The following DNAH7 variants were observed in gnomAD, a reference collection of about 807,000 sequenced individuals.
The protein encoded by DNAH7 is axonemal beta dynein heavy chain 7.
Under a neutral mutation model 444.6 loss-of-function variants are expected in DNAH7, and 397 were observed. The ratio of observed to expected loss-of-function variants is 0.89; its 90% CI spans 0.82 to 0.97. The LOEUF (loss-of-function observed/expected upper bound fraction) is 0.97. DNAH7 is among the 50% of genes least tolerant of loss of function. DNAH7 has a pLI of 0.00. For synonymous variants in DNAH7, 1,636 were observed against 1,624.4 expected (o/e 1.01, Z -0.17); for missense variants, 4,902 against 4,800.8 (o/e 1.02, Z -0.62).
chr2:196,007,208 G>A (rs771125068), intron 10 of DNAH7, among the ~76,000 whole-genome samples: 20 of 152,132 alleles, frequency 1.3e-4, no homozygotes, highest in African/African-American at 3.1e-4. Flanking sequence ...ACTACAAAAC[G>A]GTTTGGTACT....
chr2:196,066,016 G>T (rs546248068), intron 1 of DNAH7, among the ~76,000 whole-genome samples: 28 of 152,190 alleles, frequency 1.8e-4, no homozygotes, highest in Non-Finnish European at 3.4e-4. Context: ...TCTGTTTTCT[G>T]TTGGGATCCT....
chr2:196,003,200 C>T (rs1459419734), intron 10 of DNAH7, among the ~76,000 whole-genome samples: 1 of 148,608 alleles, frequency 6.7e-6, no homozygotes, highest in Non-Finnish European at 1.5e-5. Context: ...ATGAGGAAGG[C>T]CCTGAGAGAA....
intron 46 of DNAH7, among the ~76,000 whole-genome samples, chr2:195,847,243 T>C (rs1361080972): frequency 6.6e-6 from 1 of 151,360 alleles, no homozygotes; most frequent in African/African-American, 2.4e-5. Context: ...ATCGCAGCAC[T>C]ATTCACAATA....
chr2:195,847,296 G>A (rs1323733666), intron 46 of DNAH7, among the ~76,000 whole-genome samples: 1 of 151,516 alleles, frequency 6.6e-6, no homozygotes, highest in Non-Finnish European at 1.5e-5. Context: ...ATACACCATG[G>A]AATACTATGC....
At chr2:196,006,310 A>G (rs1479348568) in intron 10 of DNAH7, among the ~76,000 whole-genome samples, 1 of 152,188 alleles carries the variant, frequency 6.6e-6, no homozygotes, top group African/African-American at 2.4e-5. Context: ...TGTCTCCAAA[A>G]AAAGACAGGA....
intron 1 of DNAH7, chr2:196,063,253 G>A (rs1698234423): frequency 6.6e-6 from 1 of 152,242 alleles, no homozygotes; most frequent in Non-Finnish European, 1.5e-5. Flanking sequence ...CGGAAGGCAT[G>A]TGCTGATACT....
intron 9 of DNAH7, among the ~76,000 whole-genome samples, chr2:196,016,103 T>C (rs1454391911): frequency 1.3e-5 from 2 of 152,190 alleles, no homozygotes; most frequent in African/African-American, 4.8e-5. Context: ...TTACTTTTTC[T>C]TCCCCCTTTT....
At chr2:195,847,500 G>C (rs1240333705) in intron 46 of DNAH7, among the ~76,000 whole-genome samples, 1 of 151,718 alleles carries the variant, frequency 6.6e-6, no homozygotes, top group Non-Finnish European at 1.5e-5. Flanking sequence ...TGAGGGTGGA[G>C]GGTGGGAGGA....
At chr2:195,871,330 G>A (rs945050824) in intron 40 of DNAH7, among the ~76,000 whole-genome samples, 2 of 152,156 alleles carry the variant, frequency 1.3e-5, no homozygotes, top group African/African-American at 4.8e-5. Context: ...TAAGGGTCTT[G>A]CTCTATCACC....
Position 195,799,290 on chromosome 2 carries a change from A to T in DNAH7, c.10353+6T>A. ...ATATCCGATAACTTCATCTATTGTA[A>T]GGTACCTGGTCATCAGCAAATTTTA... On this transcript the variant is annotated splice_donor_region_variant and intron_variant, in intron 55 of 64. Coordinates refer to ENST00000312428, the MANE Select transcript of DNAH7 (RefSeq NM_018897.3). The T allele has an allele frequency of 6.5e-7, 1 of 1,547,588 alleles. No individual in the cohort carries two copies. Among genetic ancestry groups the T allele is most frequent in the Non-Finnish European group, 8.7e-7 (1 of 1,148,436 alleles).
intron 47 of DNAH7, 21 bp from the exon 48 acceptor site, chr2:195,834,381 GA>G (rs772267293): frequency 3.7e-5 from 59 of 1,575,966 alleles, no homozygotes; most frequent in Non-Finnish European, 4.9e-5. Flanking sequence ...GGAGAAAGAC[GA>G]TGCTGGTCAA....
At chr2:195,854,107 G>A (rs1368430397) in intron 45 of DNAH7, among the ~76,000 whole-genome samples, 1 of 152,148 alleles carries the variant, frequency 6.6e-6, no homozygotes, top group Non-Finnish European at 1.5e-5. Flanking sequence ...GTGATTATAT[G>A]TAATTAAGCA....
chr2:195,984,858 G>T, intron 14 of DNAH7, 148 bp from the exon 15 acceptor site: 1 of 684,584 alleles, frequency 1.5e-6, no homozygotes, highest in Non-Finnish European at 2.4e-6. Context: ...AAGCAAATTT[G>T]CATACATTTA....
At position 195,799,380 on chromosome 2, in the gene DNAH7, G is replaced by A. The variant is rs756596052; in HGVS notation, c.10269C>T (p.Asp3423=). Residue 3423 remains aspartate, a synonymous_variant, in exon 55 of 65, where the codon GAC becomes GAT. Coordinates refer to ENST00000312428, the MANE Select transcript of DNAH7 (RefSeq NM_018897.3). ...AAATCAGTGGTGCACAGCAGTTACT[G>A]TCTCCAAATGCCTTGGCTAAATCAA... The part of the protein sequence containing the change: ...PPFDLAKAFG[D]SNCCAPLIFV... 1 of 1,612,668 alleles carries A rather than the reference G, an allele frequency of 6.2e-7. No homozygotes were observed. Among genetic ancestry groups the A allele is most frequent in the Non-Finnish European group, 8.5e-7 (1 of 1,179,324 alleles).
At chr2:195,965,062 T>TC (rs1691381814) in intron 17 of DNAH7, among the ~76,000 whole-genome samples, 4 of 152,196 alleles carry the variant, frequency 2.6e-5, no homozygotes, top group African/African-American at 9.6e-5. Flanking sequence ...TAAAAGGCTT[T>TC]CTTTCAGTTT....
At chr2:195,827,186 A>G (rs1697804937) in intron 48 of DNAH7, among the ~76,000 whole-genome samples, 1 of 152,216 alleles carries the variant, frequency 6.6e-6, no homozygotes. Flanking sequence ...ACCAGCACTC[A>G]TTGCCACATG....
At chr2:195,934,849 G>C (rs1006434320) in intron 20 of DNAH7, 60 bp from the exon 21 acceptor site, 31 of 1,562,090 alleles carry the variant, frequency 2.0e-5, no homozygotes, top group Non-Finnish European at 2.7e-5. Flanking sequence ...TTACACTCCA[G>C]AGTTCTTCGT....
At chr2:195,972,490 G>A (rs1455319205) in intron 15 of DNAH7, 24 bp from the exon 16 acceptor site, 2 of 1,574,718 alleles carry the variant, frequency 1.3e-6, no homozygotes, top group Admixed American at 1.7e-5. Flanking sequence ...AAAATTACAG[G>A]TGACATTTTA....
intron 57 of DNAH7, among the ~76,000 whole-genome samples, chr2:195,791,299 C>G (rs1695866458): frequency 6.7e-6 from 1 of 150,334 alleles, no homozygotes; most frequent in Admixed American, 6.7e-5. Context: ...AACCCCGTCT[C>G]TACTAGAAAT....
Sources: allele counts gnomAD v4.1 joint callset (sites outside exome capture counted in the v4.1 genomes callset), GRCh38; gene constraint gnomAD v4.1.1; transcripts MANE v1.5; gene names NCBI Gene and HGNC (gene_info 2026-07-23, HGNC 2026-07-21).